TANC2: variants seen among roughly 807,000 people sequenced by gnomAD.
TANC2 encodes protein TANC2.
Under a neutral mutation model 210.5 loss-of-function variants are expected in TANC2, and 26 were observed. The ratio of observed to expected loss-of-function variants is 0.12; its 90% CI spans 0.09 to 0.17. TANC2 has a LOEUF of 0.17. TANC2 is among the 10% of genes least tolerant of loss of function. The pLI, the probability that TANC2 is intolerant of heterozygous loss-of-function variation, is 1.00. For synonymous variants in TANC2, 931 were observed against 967.1 expected (o/e 0.96, Z 0.69); for missense variants, 2,129 against 2,608.9 (o/e 0.82, Z 4.01).
chr17:63,051,038 C>G (rs1349458378), intron 2 of TANC2, among the ~76,000 whole-genome samples: 2 of 152,162 alleles, frequency 1.3e-5, no homozygotes, highest in African/African-American at 4.8e-5. Context: ...ACACCATTGA[C>G]TTAAATATAT....
chr17:63,321,943 G>A (rs2045507741), intron 11 of TANC2, among the ~76,000 whole-genome samples: 1 of 152,114 alleles, frequency 6.6e-6, no homozygotes, highest in South Asian at 2.1e-4. Flanking sequence ...AGTACCTGGT[G>A]TTTCTAATTC....
chr17:62,987,303 C>G (rs1387637052), intron 1 of TANC2, among the ~76,000 whole-genome samples: 2 of 152,232 alleles, frequency 1.3e-5, no homozygotes, highest in Middle Eastern at 3.4e-3. Context: ...AGATGGAGCC[C>G]CCGTGCTGGA....
At chr17:63,072,352 A>T (rs1276544063) in intron 2 of TANC2, among the ~76,000 whole-genome samples, 1 of 152,102 alleles carries the variant, frequency 6.6e-6, no homozygotes, top group Non-Finnish European at 1.5e-5. Flanking sequence ...TTTAAGTTTT[A>T]ATTTCAACAG....
chr17:63,075,614 C>A (rs1439579644), intron 3 of TANC2, among the ~76,000 whole-genome samples: 1 of 152,020 alleles, frequency 6.6e-6, no homozygotes, highest in Non-Finnish European at 1.5e-5. Context: ...CTCACTGCAA[C>A]CTCCGCCTCC....
chr17:63,106,275 G>A (rs1823957346), intron 4 of TANC2, among the ~76,000 whole-genome samples: 1 of 151,610 alleles, frequency 6.6e-6, no homozygotes, highest in Non-Finnish European at 1.5e-5. Context: ...GAAAACCAGA[G>A]CTCGACAGTA....
At chr17:63,168,925 A>G (rs2040304901) in intron 5 of TANC2, among the ~76,000 whole-genome samples, 1 of 152,228 alleles carries the variant, frequency 6.6e-6, no homozygotes, top group African/African-American at 2.4e-5. Context: ...ATTAGCTTAG[A>G]CATGTATGCT....
chr17:63,134,233 C>T lies in TANC2; in HGVS notation c.323-17037C>T, dbSNP rs1598450375. Among the ~76,000 whole-genome samples the T allele has an allele frequency of 2.0e-5, 3 of 152,044 alleles. No individual in the cohort carries two copies. The South Asian group carries it at 6.2e-4, about 32-fold the overall frequency. Reference sequence around the variant, plus strand: ...CGCTCTAGATGCCAAACATTCTGACCAACTTCTTATAATTTTGTTGGTATG... The same window carrying T: ...CGCTCTAGATGCCAAACATTCTGACTAACTTCTTATAATTTTGTTGGTATG... On this transcript the variant is annotated intron_variant, in intron 4 of 27. Transcript: ENST00000689528.
intron 1 of TANC2, among the ~76,000 whole-genome samples, chr17:62,983,668 T>A (rs757205970): frequency 2.0e-5 from 3 of 152,184 alleles, no homozygotes; most frequent in Non-Finnish European, 2.9e-5. Context: ...ACAGTTTTTT[T>A]ATCATGAGGG....
chr17:63,391,483 A>AT (rs2047971393), intron 17 of TANC2: 1 of 152,246 alleles, frequency 6.6e-6, no homozygotes, highest in Non-Finnish European at 1.5e-5. Context: ...AAAGGGTGTT[A>AT]AAAGAGTCAG....
chr17:63,302,467 G>A (rs2044749228), intron 9 of TANC2, among the ~76,000 whole-genome samples: 1 of 151,880 alleles, frequency 6.6e-6, no homozygotes, highest in Non-Finnish European at 1.5e-5. Context: ...CTCCTGTATT[G>A]GGTGCACATA....
intron 4 of TANC2, among the ~76,000 whole-genome samples, chr17:63,128,031 C>T (rs1471572147): frequency 2.0e-5 from 3 of 152,046 alleles, no homozygotes; most frequent in Non-Finnish European, 4.4e-5. Context: ...AGTTAATGCC[C>T]ATTGTACTTC....
chr17:63,350,396 C>T (rs1334815026), intron 12 of TANC2, among the ~76,000 whole-genome samples: 2 of 152,094 alleles, frequency 1.3e-5, no homozygotes, highest in East Asian at 3.8e-4. Flanking sequence ...AATGTTCTTT[C>T]AGTGTGGAAA....
At chr17:63,210,039 T>A (rs1310559126) in intron 7 of TANC2, among the ~76,000 whole-genome samples, 1 of 152,222 alleles carries the variant, frequency 6.6e-6, no homozygotes, top group Admixed American at 6.5e-5. Flanking sequence ...TAACACTTTG[T>A]TTAGGATTTT....
intron 9 of TANC2, among the ~76,000 whole-genome samples, chr17:63,302,987 C>G (rs1254343537): frequency 6.6e-6 from 1 of 152,154 alleles, no homozygotes; most frequent in Non-Finnish European, 1.5e-5. Flanking sequence ...GTCTCAAACT[C>G]CTGACCTCAG....
chr17:63,039,763 G>T (rs935467247), intron 2 of TANC2, among the ~76,000 whole-genome samples: 42 of 152,066 alleles, frequency 2.8e-4, no homozygotes, highest in Non-Finnish European at 5.1e-4. Flanking sequence ...ATTTGATTCT[G>T]GCCAGTAAGG....
chr17:63,137,724 A>G (rs558818537), intron 4 of TANC2, among the ~76,000 whole-genome samples: 2 of 152,322 alleles, frequency 1.3e-5, no homozygotes, highest in East Asian at 3.9e-4. Flanking sequence ...ACCAGCTATC[A>G]TATGCCAGAT....
intron 8 of TANC2, among the ~76,000 whole-genome samples, chr17:63,238,700 C>T (rs1409906397): frequency 6.6e-6 from 1 of 152,162 alleles, no homozygotes; most frequent in African/African-American, 2.4e-5. Flanking sequence ...TATAAAGATA[C>T]TACCTGAGAC....
intron 7 of TANC2, among the ~76,000 whole-genome samples, chr17:63,211,923 A>T (rs2041898292): frequency 6.6e-6 from 1 of 152,112 alleles, no homozygotes; most frequent in Admixed American, 6.6e-5. Flanking sequence ...GTACATGTGC[A>T]CAACATGCAG....
At chr17:63,427,297 C>T (rs1219482970) in exon 28 of TANC2, 1 of 152,274 alleles carries the variant, frequency 6.6e-6, no homozygotes, top group Non-Finnish European at 1.5e-5. Context: ...TCTTCCTCCT[C>T]TTTGCTGTCC....
Sources: allele counts gnomAD v4.1 joint callset (sites outside exome capture counted in the v4.1 genomes callset), GRCh38; gene constraint gnomAD v4.1.1; transcripts MANE v1.5; gene names NCBI Gene and HGNC (gene_info 2026-07-23, HGNC 2026-07-21).